Variants in CFAP299 observed in about 807,000 individuals in gnomAD.
CFAP299 encodes the protein cilia and flagella associated protein 299, also known as cilia- and flagella-associated protein 299.
A neutral mutation model predicts 27.0 loss-of-function variants in CFAP299; 21 were observed. The observed-to-expected ratio is 0.78, with a 90% confidence interval of 0.55 to 1.12. The LOEUF is 1.12. CFAP299 is among the 50% of genes most tolerant of loss of function. The probability of loss-of-function intolerance (pLI) is 0.00; values close to 1 mark genes in which losing one functional copy is unlikely to be tolerated. For missense variants in CFAP299, 310 were observed against 276.6 expected, an observed-to-expected ratio of 1.12 and a Z score of -0.86; for synonymous variants, 104 against 98.1, an observed-to-expected ratio of 1.06 and a Z score of -0.36.
chr4:80,963,446 T>C, intron 5 of CFAP299, 71 bp from the exon 6 acceptor site: 1 of 879,132 alleles, frequency 1.1e-6, no homozygotes, highest in East Asian at 3.1e-5. Context: ...AGCAAAAAAA[T>C]AAAAAAAAAA....
chr4:80,415,009 A>G (rs1726928685), intron 2 of CFAP299, among the ~76,000 whole-genome samples: 1 of 152,218 alleles, frequency 6.6e-6, no homozygotes, highest in Non-Finnish European at 1.5e-5. Context: ...CAATAGTTGT[A>G]CTGAGTGAAT....
chr4:80,919,805 T>C (rs1395045009), intron 4 of CFAP299, among the ~76,000 whole-genome samples: 3 of 152,144 alleles, frequency 2.0e-5, no homozygotes, highest in Non-Finnish European at 4.4e-5. Context: ...AGCACTAATT[T>C]TTTTTTACAT....
At chr4:80,800,690 A>G (rs567725289) in intron 3 of CFAP299, among the ~76,000 whole-genome samples, 64 of 117,062 alleles carry the variant, frequency 5.5e-4, no homozygotes, top group African/African-American at 1.9e-3. Flanking sequence ...GATATATTAT[A>G]TATATTTATA....
intron 3 of CFAP299, among the ~76,000 whole-genome samples, chr4:80,764,740 T>C (rs1578102344): frequency 6.6e-6 from 1 of 152,104 alleles, no homozygotes; most frequent in African/African-American, 2.4e-5. Flanking sequence ...GTGGCACATA[T>C]CCACCATGGA....
intron 2 of CFAP299, among the ~76,000 whole-genome samples, chr4:80,398,734 A>C (rs924668836): frequency 2.6e-5 from 4 of 152,178 alleles, no homozygotes; most frequent in Non-Finnish European, 5.9e-5. Context: ...AACCATAAAA[A>C]CCCTAGAATA....
At chr4:80,629,447 GAGT>G (rs1451243614) in intron 3 of CFAP299, among the ~76,000 whole-genome samples, 1 of 152,094 alleles carries the variant, frequency 6.6e-6, no homozygotes, top group Non-Finnish European at 1.5e-5. Flanking sequence ...AATGCTGAGA[GAGT>G]AGATGTTAAC....
At chr4:80,864,795 A>G (rs977213090) in intron 3 of CFAP299, among the ~76,000 whole-genome samples, 1 of 152,058 alleles carries the variant, frequency 6.6e-6, no homozygotes, top group African/African-American at 2.4e-5. Flanking sequence ...TTCAAAAGCA[A>G]TAGATATTAT....
At chr4:80,665,594 T>C (rs1741107733) in intron 3 of CFAP299, among the ~76,000 whole-genome samples, 1 of 152,242 alleles carries the variant, frequency 6.6e-6, no homozygotes, top group African/African-American at 2.4e-5. Flanking sequence ...TTCTACTTTA[T>C]TGCTTTTAGT....
chr4:80,763,326 C>T lies in CFAP299; in HGVS notation c.334-106667C>T, dbSNP rs528614047. On this transcript the variant is annotated intron_variant, in intron 3 of 5. Coordinates refer to ENST00000358105, the MANE Select transcript of CFAP299 (RefSeq NM_152770.3). ...ACACCAATAATAGACAATCAGAGAGCCAAATCATGAGTGAACTCCCGTTCA... is the reference window on the plus strand; with the variant it reads ...ACACCAATAATAGACAATCAGAGAGTCAAATCATGAGTGAACTCCCGTTCA... 2.0e-4 allele frequency among the ~76,000 whole-genome samples: 31 copies of T among 152,074 alleles called. 2 individuals carry two copies. In the South Asian group the frequency reaches 6.4e-3, roughly 32 times the overall value.
chr4:80,788,470 T>C (rs1047537929), intron 3 of CFAP299, among the ~76,000 whole-genome samples: 1 of 151,982 alleles, frequency 6.6e-6, no homozygotes, highest in Non-Finnish European at 1.5e-5. Flanking sequence ...ACCCATCACA[T>C]CTTGTTATTT....
intron 3 of CFAP299, among the ~76,000 whole-genome samples, chr4:80,800,149 TTATATAA>T (rs1728338307): frequency 1.4e-5 from 1 of 71,544 alleles, no homozygotes; most frequent in Non-Finnish European, 2.3e-5. Context: ...ATAAATATAT[TTATATAA>T]TATATAATAC....
chr4:80,379,162 G>T (rs1034118144), intron 2 of CFAP299, among the ~76,000 whole-genome samples: 1 of 151,980 alleles, frequency 6.6e-6, no homozygotes, highest in African/African-American at 2.4e-5. Context: ...AAATATGTTT[G>T]TAGTTTGTAT....
intron 2 of CFAP299, among the ~76,000 whole-genome samples, chr4:80,411,604 G>A (rs926077076): frequency 2.0e-5 from 3 of 151,490 alleles, no homozygotes; most frequent in East Asian, 3.9e-4. Flanking sequence ...ATAGCAACCC[G>A]AAGCTATATA....
At chr4:80,328,688 C>T in the CFAP299 span, among the ~76,000 whole-genome samples, 49 of 152,066 alleles carry the variant, frequency 3.2e-4, no homozygotes, top group African/African-American at 1.1e-3. Flanking sequence ...TTAGTAAAAT[C>T]CTGTGCTTTG....
intron 2 of CFAP299, among the ~76,000 whole-genome samples, chr4:80,371,189 G>T (rs1426244818): frequency 2.0e-5 from 3 of 152,204 alleles, no homozygotes; most frequent in East Asian, 1.9e-4. Flanking sequence ...TGGAGCTGGG[G>T]TGGCTGGGGT....
intron 3 of CFAP299, among the ~76,000 whole-genome samples, chr4:80,585,654 A>G (rs78222771): frequency 0.011 from 1,667 of 152,256 alleles, 33 homozygotes; most frequent in African/African-American, 0.036. Flanking sequence ...TCCTTAAAAT[A>G]ATGTATACAA....
At chr4:80,482,088 G>A (rs1437285263) in intron 2 of CFAP299, among the ~76,000 whole-genome samples, 1 of 151,890 alleles carries the variant, frequency 6.6e-6, no homozygotes, top group Non-Finnish European at 1.5e-5. Flanking sequence ...ATCTTGTAAA[G>A]TGGCTCTATA....
rs1454204066 is a variant in CFAP299 at position 80,895,184 on chromosome 4, A to ACG, written c.476+25050_476+25051insGC. Among the ~76,000 whole-genome samples, 54 of 138,954 alleles carry ACG rather than the reference A, an allele frequency of 3.9e-4. 1 individual carries two copies. Among genetic ancestry groups the ACG allele is most frequent in the African/African-American group, 1.7e-3 (51 of 29,840 alleles). 91.2% of individuals were successfully genotyped at this position (138,954 alleles called of 152,430 possible). A position where few individuals can be genotyped will look rare whatever the true frequency, so the allele number is the denominator to read the frequency against. On this transcript the variant is annotated intron_variant, in intron 4 of 5. Coordinates refer to ENST00000358105, the MANE Select transcript of CFAP299 (RefSeq NM_152770.3). Reference sequence around the variant, plus strand: ...AAATGTTCTCACCACACACACACACACACACACACACACACTAGTAACTAT... The same window carrying ACG: ...AAATGTTCTCACCACACACACACACACGCACACACACACACACTAGTAACTAT...
chr4:80,392,781 G>C (rs1214779511), intron 2 of CFAP299, among the ~76,000 whole-genome samples: 1 of 151,876 alleles, frequency 6.6e-6, no homozygotes, highest in Non-Finnish European at 1.5e-5. Flanking sequence ...AAAAAAAAGT[G>C]TAGCATATAT....
Sources: gnomAD v4.1 joint callset for allele counts (sites outside exome capture counted in the v4.1 genomes callset) on GRCh38, gnomAD v4.1.1 for gene constraint, MANE v1.5 for transcripts, NCBI Gene and HGNC (gene_info 2026-07-23, HGNC 2026-07-21) for gene names.